CYRIB: variants seen among roughly 807,000 people sequenced by gnomAD.
CYRIB encodes CYFIP-related Rac1 interactor B.
A neutral mutation model predicts 44.2 loss-of-function variants in CYRIB; 8 were observed. That is an observed-to-expected ratio of 0.18 (90% CI 0.11 to 0.33). CYRIB has a LOEUF of 0.33. CYRIB is among the 10% of genes least tolerant of loss of function. CYRIB has a pLI of 1.00. For missense variants in CYRIB, 185 were observed against 382.8 expected (o/e 0.48, Z 4.31); for synonymous variants, 131 against 127.2 (o/e 1.03, Z -0.20).
chr8:129,999,258 T>G (rs1592156077), intron 1 of CYRIB, among the ~76,000 whole-genome samples: 1 of 152,002 alleles, frequency 6.6e-6, no homozygotes, highest in East Asian at 1.9e-4. Flanking sequence ...GCATGGCCAG[T>G]GGGGAGGAGC....
intron 1 of CYRIB, among the ~76,000 whole-genome samples, chr8:129,906,234 C>G (rs186140985): frequency 2.5e-4 from 38 of 152,156 alleles, no homozygotes; most frequent in African/African-American, 7.9e-4. Flanking sequence ...AAACAGCATG[C>G]TACTGGTACC....
At chr8:129,842,895 CT>C (rs1470248955) in intron 11 of CYRIB, among the ~76,000 whole-genome samples, 1 of 152,210 alleles carries the variant, frequency 6.6e-6, no homozygotes, top group African/African-American at 2.4e-5. Flanking sequence ...GCCTCAATTA[CT>C]ACAGCTGTTA....
At chr8:129,901,279 G>A (rs2071684713) in intron 2 of CYRIB, among the ~76,000 whole-genome samples, 1 of 152,042 alleles carries the variant, frequency 6.6e-6, no homozygotes, top group Non-Finnish European at 1.5e-5. Context: ...CTGGAGTGCA[G>A]TGGTGAGATC....
chr8:129,887,386 T>A lies in CYRIB; in HGVS notation c.-10-7915A>T, dbSNP rs373019215. 3.3e-4 allele frequency among the ~76,000 whole-genome samples: 50 copies of A among 152,314 alleles called. 1 individual carries two copies. In the East Asian group the frequency reaches 4.6e-3, roughly 14 times the overall value. ...CTCTGCCTAGATTTCAGAGGATGTA[T>A]GGACATGCCTGGATGTTCAGGCAGA... On this transcript the variant is annotated intron_variant, in intron 2 of 11. Transcript: ENST00000519824.
At chr8:129,938,769 T>A (rs1196270858) in intron 1 of CYRIB, among the ~76,000 whole-genome samples, 1 of 152,142 alleles carries the variant, frequency 6.6e-6, no homozygotes, top group East Asian at 1.9e-4. Flanking sequence ...TGCCAAATTT[T>A]ACACTCAGAG....
intron 2 of CYRIB, among the ~76,000 whole-genome samples, chr8:129,898,011 G>T (rs923678825): frequency 6.6e-6 from 1 of 151,938 alleles, no homozygotes; most frequent in Non-Finnish European, 1.5e-5. Flanking sequence ...TGATCCACCC[G>T]CCTCGGCCTC....
intron 2 of CYRIB, among the ~76,000 whole-genome samples, chr8:129,880,998 C>T (rs2133965563): frequency 6.6e-6 from 1 of 152,282 alleles, no homozygotes; most frequent in Admixed American, 6.5e-5. Flanking sequence ...TCTTCTGTCT[C>T]CTAAGATTAA....
intron 1 of CYRIB, among the ~76,000 whole-genome samples, chr8:129,924,309 C>T (rs867501990): frequency 3.3e-4 from 2 of 6,038 alleles, no homozygotes; most frequent in East Asian, 6.5e-3. Context: ...GGGGGGGTGG[C>T]GGGGGGGGTG....
Position 129,924,851 on chromosome 8 carries a change from AC to A in CYRIB, c.-50+14756del, listed in dbSNP as rs1473636888. Among the ~76,000 whole-genome samples, 9 of 152,232 alleles carry A rather than the reference AC, an allele frequency of 5.9e-5. No homozygotes were observed. In the East Asian group the frequency reaches 1.7e-3, roughly 29 times the overall value. On this transcript the variant is annotated intron_variant, in intron 1 of 11. Transcript: ENST00000519824. ...AACTTAGCCAGATGTGGTGGTGCAT[AC>A]CTATAGTCCCAGTTACTTAGGAGGC...
chr8:129,857,802 G>A (rs2046997208), intron 5 of CYRIB, among the ~76,000 whole-genome samples: 1 of 152,144 alleles, frequency 6.6e-6, no homozygotes, highest in Admixed American at 6.5e-5. Context: ...AAGTAAGAGA[G>A]ACACCGAACA....
At chr8:129,889,902 T>C (rs1366352235) in intron 2 of CYRIB, among the ~76,000 whole-genome samples, 45 of 151,998 alleles carry the variant, frequency 3.0e-4, no homozygotes, top group Middle Eastern at 3.4e-3. Context: ...ACCTACTGAG[T>C]AGCTGAGACT....
At chr8:129,875,646 TC>T (rs144728377) in intron 3 of CYRIB, among the ~76,000 whole-genome samples, 6,591 of 152,298 alleles carry the variant, frequency 0.043, 242 homozygotes, top group African/African-American at 0.098. Context: ...TGTAATCTGT[TC>T]TAAGGAAAAA....
chr8:130,011,346 C>A (rs1198489726), intron 1 of CYRIB, among the ~76,000 whole-genome samples: 4 of 151,810 alleles, frequency 2.6e-5, no homozygotes, highest in Non-Finnish European at 5.9e-5. Flanking sequence ...TATGGGGAAA[C>A]CCTGTCTCTA....
At chr8:129,976,168 GT>G (rs879369942) in intron 1 of CYRIB, among the ~76,000 whole-genome samples, 3 of 149,974 alleles carry the variant, frequency 2.0e-5, no homozygotes, top group East Asian at 1.9e-4. Context: ...TTTATCACTT[GT>G]TTTTTTTTCT....
Position 129,869,887 on chromosome 8 carries a change from C to G in CYRIB, c.195+1488G>C, listed in dbSNP as rs184425489. ...AACACTCAATAGTAATGTTTTACCT[C>G]CCCCCCGCCCAAAAAAAGGAATGGT... On this transcript the variant is annotated intron_variant, in intron 4 of 11. Coordinates refer to ENST00000519824, the Ensembl canonical transcript of CYRIB. 4.7e-4 allele frequency among the ~76,000 whole-genome samples: 70 copies of G among 150,514 alleles called. No individual in the cohort carries two copies. In the South Asian group the frequency reaches 0.01, roughly 22 times the overall value.
At chr8:129,845,108 T>C (rs1164537224) in intron 11 of CYRIB, among the ~76,000 whole-genome samples, 2 of 152,194 alleles carry the variant, frequency 1.3e-5, no homozygotes, top group Non-Finnish European at 2.9e-5. Flanking sequence ...ACTTCAACCC[T>C]GTCTTTCACT....
intron 1 of CYRIB, among the ~76,000 whole-genome samples, chr8:129,913,173 G>GT (rs1215728527): frequency 6.6e-6 from 1 of 151,782 alleles, no homozygotes; most frequent in Non-Finnish European, 1.5e-5. Flanking sequence ...GGGTTTCACC[G>GT]TGTTAGCCAG....
intron 1 of CYRIB, among the ~76,000 whole-genome samples, chr8:129,912,894 A>G (rs926368986): frequency 1.3e-5 from 2 of 151,658 alleles, no homozygotes; most frequent in Non-Finnish European, 2.9e-5. Context: ...AGTTATCTCT[A>G]CTGCTGATAA....
chr8:130,016,465 G>A, upstream of CYRIB: 1 of 151,770 alleles, frequency 6.6e-6, no homozygotes, highest in Non-Finnish European at 1.5e-5. Context: ...GGTTGGCGGG[G>A]CTCACGTCAC....
Sources: gnomAD v4.1 joint callset for allele counts (sites outside exome capture counted in the v4.1 genomes callset) on GRCh38, gnomAD v4.1.1 for gene constraint, MANE v1.5 for transcripts, NCBI Gene and HGNC (gene_info 2026-07-23, HGNC 2026-07-21) for gene names.